The following GPHN variants were observed in gnomAD, a reference collection of about 807,000 sequenced individuals.
GPHN encodes gephyrin.
Under a neutral mutation model 95.5 loss-of-function variants are expected in GPHN, and 17 were observed. The ratio of observed to expected loss-of-function variants is 0.18; its 90% CI spans 0.12 to 0.27. The LOEUF is 0.27. GPHN is among the 10% of genes least tolerant of loss of function. The pLI is 1.00. For synonymous variants in GPHN, 320 were observed against 322.5 expected (o/e 0.99, Z 0.08); for missense variants, 660 against 978.1 (o/e 0.67, Z 4.34).
rs564340113 is a variant in GPHN at position 67,120,788 on chromosome 14, A to C, written c.1627-1468A>C. On this transcript the variant is annotated intron_variant, in intron 16 of 22. Coordinates refer to ENST00000478722, the MANE Select transcript of GPHN (RefSeq NM_020806.5). ...TTAGCATTGCAGTAGCAATTTTCCA[A>C]GTACTGCCAGGGAGTAAGAATGAAA... 7.3e-4 allele frequency among the ~76,000 whole-genome samples: 111 copies of C among 152,360 alleles called. 4 individuals carry two copies. In the South Asian group the frequency reaches 0.022, roughly 31 times the overall value.
chr14:67,716,357 T>A, the GPHN span, among the ~76,000 whole-genome samples: 1 of 152,196 alleles, frequency 6.6e-6, no homozygotes, highest in Non-Finnish European at 1.5e-5. Context: ...TATATTTAAG[T>A]TGGACCTTAA....
the GPHN span, chr14:67,241,883 G>C: frequency 6.6e-6 from 1 of 152,022 alleles, no homozygotes; most frequent in African/African-American, 2.4e-5. Context: ...CCGAGGTCGC[G>C]ACGCGCGGGA....
the GPHN span, among the ~76,000 whole-genome samples, chr14:67,555,553 G>A: frequency 2.4e-4 from 36 of 152,186 alleles, no homozygotes; most frequent in South Asian, 8.3e-4. Context: ...TGCCCTCCCC[G>A]GACACCCTCC....
chr14:66,591,997 T>C (rs1470512869), intron 1 of GPHN, among the ~76,000 whole-genome samples: 1 of 151,994 alleles, frequency 6.6e-6, no homozygotes, highest in Non-Finnish European at 1.5e-5. Flanking sequence ...CTTAGACATA[T>C]CACCACACAT....
chr14:67,410,137 A>G, the GPHN span, among the ~76,000 whole-genome samples: 3 of 152,088 alleles, frequency 2.0e-5, no homozygotes, highest in Non-Finnish European at 2.9e-5. Context: ...GCCACCCAGA[A>G]GAGAAGTCCC....
chr14:66,967,968 T>C (rs1283946499), intron 9 of GPHN, among the ~76,000 whole-genome samples: 1 of 151,940 alleles, frequency 6.6e-6, no homozygotes, highest in Non-Finnish European at 1.5e-5. Context: ...CAAGAACTCT[T>C]ACACTAAAAC....
At chr14:66,518,584 T>C (rs1008561938) in intron 1 of GPHN, among the ~76,000 whole-genome samples, 5 of 152,122 alleles carry the variant, frequency 3.3e-5, no homozygotes, top group Non-Finnish European at 5.9e-5. Context: ...AGACTCAATC[T>C]AGGTGTCCAA....
chr14:67,641,122 T>C, the GPHN span, among the ~76,000 whole-genome samples: 1 of 152,202 alleles, frequency 6.6e-6, no homozygotes, highest in Non-Finnish European at 1.5e-5. Context: ...GTGGCTGTGA[T>C]AGTGACACCT....
intron 2 of GPHN, among the ~76,000 whole-genome samples, chr14:66,769,421 C>T (rs2059081613): frequency 6.6e-6 from 1 of 151,856 alleles, no homozygotes; most frequent in African/African-American, 2.4e-5. Flanking sequence ...ATTTTGTCAC[C>T]CAGGTATTAA....
chr14:67,335,279 C>T, the GPHN span: 1 of 152,166 alleles, frequency 6.6e-6, no homozygotes, highest in Non-Finnish European at 1.5e-5. Context: ...TGTTGCTGAC[C>T]TCCACAAAAG....
At chr14:67,406,067 T>C in the GPHN span, among the ~76,000 whole-genome samples, 42 of 152,032 alleles carry the variant, frequency 2.8e-4, no homozygotes, top group Admixed American at 2.8e-3. Context: ...GAGACCAGCC[T>C]GGCCAAAAAG....
chr14:66,598,779 A>T (rs2062091956), intron 1 of GPHN, among the ~76,000 whole-genome samples: 1 of 151,346 alleles, frequency 6.6e-6, no homozygotes, highest in Admixed American at 6.6e-5. Flanking sequence ...CGGAGGTTGC[A>T]GTGAGCTGAG....
chr14:66,670,368 A>G (rs2066235242), intron 1 of GPHN, among the ~76,000 whole-genome samples: 1 of 152,240 alleles, frequency 6.6e-6, no homozygotes, highest in South Asian at 2.1e-4. Context: ...GGAGGAGATC[A>G]TAAATCAATT....
intron 9 of GPHN, chr14:66,996,055 A>G: frequency 1.6e-6 from 1 of 637,472 alleles, no homozygotes; most frequent in East Asian, 2.9e-5. Flanking sequence ...GTGTCTGCTT[A>G]TAAAGCTGTT....
chr14:67,283,168 C>A, the GPHN span, among the ~76,000 whole-genome samples: 1 of 152,080 alleles, frequency 6.6e-6, no homozygotes, highest in African/African-American at 2.4e-5. Flanking sequence ...GAAGGAAAAA[C>A]ACACCACGGG....
chr14:66,524,957 A>G (rs2058628901), intron 1 of GPHN, among the ~76,000 whole-genome samples: 1 of 152,182 alleles, frequency 6.6e-6, no homozygotes, highest in Non-Finnish European at 1.5e-5. Flanking sequence ...CGCAGTAAAC[A>G]TACCTGTGCA....
At chr14:67,457,760 A>G in the GPHN span, among the ~76,000 whole-genome samples, 6 of 152,220 alleles carry the variant, frequency 3.9e-5, no homozygotes, top group South Asian at 1.2e-3. Flanking sequence ...TGGTTCTAGA[A>G]AAACAGGAAA....
chr14:66,978,185 G>C (rs1179402145), intron 9 of GPHN, among the ~76,000 whole-genome samples: 1 of 152,194 alleles, frequency 6.6e-6, no homozygotes, highest in African/African-American at 2.4e-5. Context: ...AGAGGGTCTT[G>C]CCTCAATGCT....
chr14:67,274,524 A>G, the GPHN span, among the ~76,000 whole-genome samples: 11 of 151,226 alleles, frequency 7.3e-5, 2 homozygotes, highest in African/African-American at 1.9e-4. Context: ...GGTTACTGTA[A>G]CCTTGTAGTA....
Sources: gnomAD v4.1 joint callset for allele counts (sites outside exome capture counted in the v4.1 genomes callset) on GRCh38, gnomAD v4.1.1 for gene constraint, MANE v1.5 for transcripts, NCBI Gene and HGNC (gene_info 2026-07-23, HGNC 2026-07-21) for gene names.